The following NREP variants were observed in gnomAD, a reference collection of about 807,000 sequenced individuals.
NREP encodes the protein neuronal regeneration-related protein.
A neutral mutation model predicts 8.6 loss-of-function variants in NREP; 5 were observed. The observed-to-expected ratio is 0.58, with a 90% CI of 0.30 to 1.22. NREP has a LOEUF of 1.22. Ranked by LOEUF, NREP falls within the 50% of genes most tolerant of loss-of-function variation. The pLI, the probability that NREP is intolerant of heterozygous loss-of-function variation, is 0.07. For missense variants in NREP, 86 were observed against 82.5 expected, an observed-to-expected ratio of 1.04 and a Z score of -0.17; for synonymous variants, 27 against 28.0, an observed-to-expected ratio of 0.96 and a Z score of 0.11.
intron 2 of NREP, among the ~76,000 whole-genome samples, chr5:111,832,366 C>T (rs1213440354): frequency 6.6e-6 from 1 of 151,940 alleles, no homozygotes; most frequent in East Asian, 1.9e-4. Flanking sequence ...GAAAAACAAA[C>T]AACAACAACA....
intron 2 of NREP, among the ~76,000 whole-genome samples, chr5:111,911,660 G>A (rs1296841950): frequency 1.3e-5 from 2 of 152,040 alleles, no homozygotes; most frequent in African/African-American, 2.4e-5. Flanking sequence ...ACTCATAAGT[G>A]TGCTACTATT....
At chr5:111,966,829 T>C (rs1756655845) in intron 2 of NREP, among the ~76,000 whole-genome samples, 1 of 152,202 alleles carries the variant, frequency 6.6e-6, no homozygotes, top group Admixed American at 6.5e-5. Context: ...CTGTTTTTTG[T>C]CCACTATGTA....
chr5:111,750,093 C>T (rs923793238), intron 2 of NREP, among the ~76,000 whole-genome samples: 2 of 152,120 alleles, frequency 1.3e-5, no homozygotes, highest in African/African-American at 4.8e-5. Flanking sequence ...ACATCAAGTC[C>T]TTGACTTCTA....
chr5:111,970,949 T>G (rs946825064), intron 2 of NREP, among the ~76,000 whole-genome samples: 1 of 151,720 alleles, frequency 6.6e-6, no homozygotes, highest in South Asian at 2.1e-4. Context: ...TTAGTGTGCA[T>G]CAGAATTACC....
chr5:111,750,349 T>C (rs543701713), intron 2 of NREP, among the ~76,000 whole-genome samples: 4 of 152,322 alleles, frequency 2.6e-5, no homozygotes, highest in Admixed American at 2.6e-4. Context: ...GCATAGTACT[T>C]ACTCTCAAGG....
At chr5:111,810,266 G>A (rs1752241154) in intron 2 of NREP, among the ~76,000 whole-genome samples, 1 of 152,152 alleles carries the variant, frequency 6.6e-6, no homozygotes, top group Non-Finnish European at 1.5e-5. Context: ...AGAATAGAGT[G>A]TGAGATGGTT....
chr5:111,874,578 G>C (rs1753862370), intron 2 of NREP, among the ~76,000 whole-genome samples: 1 of 152,134 alleles, frequency 6.6e-6, no homozygotes, highest in South Asian at 2.1e-4. Context: ...GGAGAATTAG[G>C]CTAAGGTGAC....
At chr5:111,885,182 C>G (rs34492477) in intron 2 of NREP, among the ~76,000 whole-genome samples, 6,773 of 151,572 alleles carry the variant, frequency 0.045, 196 homozygotes, top group Non-Finnish European at 0.071. Context: ...ACACCAATAA[C>G]AGACAAACAG....
chr5:111,919,983 C>T (rs374351712), intron 2 of NREP, among the ~76,000 whole-genome samples: 3 of 124,946 alleles, frequency 2.4e-5, no homozygotes, highest in Non-Finnish European at 5.3e-5. Context: ...ACCCCCCCCC[C>T]CCACACACAC....
chr5:111,807,306 C>T (rs1752165156), intron 2 of NREP, among the ~76,000 whole-genome samples: 1 of 152,036 alleles, frequency 6.6e-6, no homozygotes, highest in South Asian at 2.1e-4. Context: ...TTTATCAAGT[C>T]CCATCAGGTT....
intron 2 of NREP, among the ~76,000 whole-genome samples, chr5:111,799,740 A>G (rs1184471568): frequency 1.3e-5 from 2 of 152,214 alleles, no homozygotes; most frequent in African/African-American, 4.8e-5. Context: ...ATGCGTACAT[A>G]ATTCTGAATC....
chr5:111,841,105 T>A (rs1022574401), intron 2 of NREP, among the ~76,000 whole-genome samples: 10 of 151,646 alleles, frequency 6.6e-5, no homozygotes, highest in Non-Finnish European at 1.5e-4. Flanking sequence ...TTTGGAAGAG[T>A]GAAACAAGGA....
intron 2 of NREP, among the ~76,000 whole-genome samples, chr5:111,824,109 G>A (rs1752569006): frequency 6.6e-6 from 1 of 152,196 alleles, no homozygotes; most frequent in Non-Finnish European, 1.5e-5. Context: ...GGTGGCTCAA[G>A]CCTGTAATCC....
At chr5:111,836,576 A>G (rs1270368091) in intron 2 of NREP, among the ~76,000 whole-genome samples, 1 of 152,082 alleles carries the variant, frequency 6.6e-6, no homozygotes, top group Non-Finnish European at 1.5e-5. Context: ...AAAACATTTC[A>G]AAGAGAAGCC....
At chr5:111,785,426 A>G (rs1183882886) in intron 2 of NREP, among the ~76,000 whole-genome samples, 4 of 151,920 alleles carry the variant, frequency 2.6e-5, no homozygotes, top group Non-Finnish European at 5.9e-5. Context: ...GTACAGGCGC[A>G]TGCCACCATG....
intron 2 of NREP, among the ~76,000 whole-genome samples, chr5:111,891,166 A>G (rs1041784037): frequency 6.6e-6 from 1 of 152,198 alleles, no homozygotes; most frequent in Admixed American, 6.5e-5. Flanking sequence ...CTGCTTAGAA[A>G]TTTCTTCCAC....
chr5:111,888,622 A>G (rs1453018533), intron 2 of NREP, among the ~76,000 whole-genome samples: 2 of 152,152 alleles, frequency 1.3e-5, no homozygotes, highest in Non-Finnish European at 2.9e-5. Context: ...GCCAAACCAT[A>G]CCAGTCTATG....
intron 2 of NREP, among the ~76,000 whole-genome samples, chr5:111,922,224 T>C (rs771337335): frequency 6.6e-6 from 1 of 152,082 alleles, no homozygotes; most frequent in Non-Finnish European, 1.5e-5. Flanking sequence ...GATAATGTCA[T>C]TTTTTTCTAC....
At chr5:111,749,358 A>G (rs1447192075) in intron 2 of NREP, among the ~76,000 whole-genome samples, 1 of 151,974 alleles carries the variant, frequency 6.6e-6, no homozygotes, top group East Asian at 1.9e-4. Flanking sequence ...TAGTCACATC[A>G]TTTCATGTTG....
Sources: gnomAD v4.1 joint callset for allele counts (sites outside exome capture counted in the v4.1 genomes callset) on GRCh38, gnomAD v4.1.1 for gene constraint, MANE v1.5 for transcripts, NCBI Gene and HGNC (gene_info 2026-07-23, HGNC 2026-07-21) for gene names.